SUPT3H: variants seen among roughly 807,000 people sequenced by gnomAD.
The protein encoded by SUPT3H is SPT3 homolog, SAGA and STAGA complex component.
In SUPT3H, 44 loss-of-function variants were observed where a neutral mutation model predicts 44.3. The ratio of observed to expected loss-of-function variants is 0.99; its 90% CI spans 0.78 to 1.28. SUPT3H has a LOEUF of 1.28. SUPT3H is among the 50% of genes most tolerant of loss of function. The pLI is 0.00. For synonymous variants in SUPT3H, 124 were observed against 125.6 expected (o/e 0.99, Z 0.09); for missense variants, 380 against 387.1 (o/e 0.98, Z 0.15).
intron 10 of SUPT3H, among the ~76,000 whole-genome samples, chr6:44,919,175 C>T (rs928005110): frequency 3.3e-5 from 5 of 152,004 alleles, no homozygotes; most frequent in East Asian, 1.9e-4. Context: ...TTTCAGGGGG[C>T]GTGGAAGAGC....
chr6:44,985,693 C>T (rs1420338698), intron 6 of SUPT3H, among the ~76,000 whole-genome samples: 1 of 152,160 alleles, frequency 6.6e-6, no homozygotes, highest in Non-Finnish European at 1.5e-5. Context: ...GACATATTTT[C>T]ACTTTATTTC....
At chr6:45,142,846 T>A (rs1018231376) in intron 2 of SUPT3H, among the ~76,000 whole-genome samples, 2 of 134,206 alleles carry the variant, frequency 1.5e-5, no homozygotes, top group African/African-American at 5.7e-5. Context: ...AGGACTCACA[T>A]AAGGTAAAGG....
intron 2 of SUPT3H, among the ~76,000 whole-genome samples, chr6:45,323,365 A>T (rs1434151364): frequency 6.6e-6 from 1 of 151,920 alleles, no homozygotes. Context: ...AATATATTAA[A>T]ACCCGATTTT....
At chr6:45,119,643 T>C (rs879303194) in intron 2 of SUPT3H, among the ~76,000 whole-genome samples, 1 of 152,166 alleles carries the variant, frequency 6.6e-6, no homozygotes, top group Non-Finnish European at 1.5e-5. Flanking sequence ...AAAGAGTCAA[T>C]AATTGCAGCA....
At chr6:45,258,755 T>C (rs1773835175) in intron 2 of SUPT3H, among the ~76,000 whole-genome samples, 1 of 152,148 alleles carries the variant, frequency 6.6e-6, no homozygotes, top group South Asian at 2.1e-4. Context: ...AAAAAATTTA[T>C]TTGCACGTTT....
chr6:45,315,463 T>C (rs960505417), intron 2 of SUPT3H, among the ~76,000 whole-genome samples: 4 of 152,024 alleles, frequency 2.6e-5, no homozygotes, highest in Non-Finnish European at 4.4e-5. Flanking sequence ...AAAAGTGGGC[T>C]AAGGACATGA....
At chr6:44,853,683 G>C (rs553086721) in intron 10 of SUPT3H, among the ~76,000 whole-genome samples, 2 of 152,190 alleles carry the variant, frequency 1.3e-5, no homozygotes, top group South Asian at 4.2e-4. Context: ...GAGATGGGCA[G>C]ATAATTGAGA....
intron 1 of SUPT3H, among the ~76,000 whole-genome samples, chr6:45,365,616 T>C (rs1212072688): frequency 6.7e-6 from 1 of 149,404 alleles, no homozygotes; most frequent in Non-Finnish European, 1.5e-5. Context: ...GTTTTCAAAA[T>C]GTGCTTCAGG....
intron 3 of SUPT3H, among the ~76,000 whole-genome samples, chr6:45,039,372 A>C (rs1788162397): frequency 6.6e-6 from 1 of 152,186 alleles, no homozygotes; most frequent in South Asian, 2.1e-4. Context: ...CAAAAAATCA[A>C]AACAAAATAG....
intron 2 of SUPT3H, among the ~76,000 whole-genome samples, chr6:45,250,619 G>C (rs1230806340): frequency 6.6e-6 from 1 of 151,642 alleles, no homozygotes; most frequent in Non-Finnish European, 1.5e-5. Flanking sequence ...GAGGAAACAG[G>C]AGAAAAAAAT....
At chr6:45,296,057 A>C (rs560870668) in intron 2 of SUPT3H, among the ~76,000 whole-genome samples, 6 of 152,286 alleles carry the variant, frequency 3.9e-5, no homozygotes, top group African/African-American at 1.4e-4. Context: ...CAACTGCAAA[A>C]ACATGGAATC....
intron 3 of SUPT3H, among the ~76,000 whole-genome samples, chr6:45,092,490 C>A (rs1399449802): frequency 1.4e-4 from 21 of 151,936 alleles, no homozygotes; most frequent in Admixed American, 1.4e-3. Flanking sequence ...GTGGCTCACA[C>A]CTGTAATCCC....
intron 2 of SUPT3H, among the ~76,000 whole-genome samples, chr6:45,245,886 T>A (rs1473817113): frequency 1.3e-5 from 2 of 152,202 alleles, no homozygotes; most frequent in Non-Finnish European, 2.9e-5. Context: ...TCAACAATTT[T>A]AAATTCCTAC....
At chr6:45,062,598 G>A (rs548016389) in intron 3 of SUPT3H, among the ~76,000 whole-genome samples, 22 of 152,284 alleles carry the variant, frequency 1.4e-4, no homozygotes, top group African/African-American at 5.3e-4. Flanking sequence ...AGGCCAGTGG[G>A]TGCGCGCACC....
chr6:45,287,131 T>C (rs1001794139), intron 2 of SUPT3H, among the ~76,000 whole-genome samples: 2 of 152,000 alleles, frequency 1.3e-5, no homozygotes, highest in African/African-American at 4.8e-5. Context: ...TTAGGAGATA[T>C]ACCTAATGTT....
chr6:44,852,371 T>A (rs1045869380), intron 10 of SUPT3H, among the ~76,000 whole-genome samples: 1 of 152,170 alleles, frequency 6.6e-6, no homozygotes, highest in South Asian at 2.1e-4. Context: ...AGCCATATTA[T>A]AGAGCTGTGA....
chr6:45,090,208 C>T (rs1226310389), intron 3 of SUPT3H, among the ~76,000 whole-genome samples: 2 of 152,152 alleles, frequency 1.3e-5, no homozygotes, highest in Non-Finnish European at 1.5e-5. Context: ...TACTATGTAG[C>T]TTATTATTCA....
intron 3 of SUPT3H, among the ~76,000 whole-genome samples, chr6:45,083,173 T>C (rs1325108631): frequency 6.5e-5 from 2 of 30,688 alleles, no homozygotes; most frequent in African/African-American, 1.7e-4. Flanking sequence ...GAATCATTAT[T>C]ATTATTATTA....
At chr6:45,184,995 G>A (rs912241260) in intron 2 of SUPT3H, among the ~76,000 whole-genome samples, 2 of 152,120 alleles carry the variant, frequency 1.3e-5, no homozygotes. Context: ...CTTGCAGGTA[G>A]CCTAACTTAC....
Sources: allele counts gnomAD v4.1 joint callset (sites outside exome capture counted in the v4.1 genomes callset), GRCh38; gene constraint gnomAD v4.1.1; transcripts MANE v1.5; gene names NCBI Gene and HGNC (gene_info 2026-07-23, HGNC 2026-07-21).